The following MTR variants were observed in gnomAD, a reference collection of about 807,000 sequenced individuals.
The protein encoded by MTR is methionine synthase.
Under a neutral mutation model 154.8 loss-of-function variants are expected in MTR, and 84 were observed. The ratio of observed to expected loss-of-function variants is 0.54; its 90% CI spans 0.45 to 0.65. MTR has a LOEUF of 0.65. Ranked by LOEUF, MTR falls within the 30% of genes least tolerant of loss-of-function variation. MTR has a pLI of 0.00. For missense variants in MTR, 1,275 were observed against 1,570.2 expected, an observed-to-expected ratio of 0.81 and a Z score of 3.18; for synonymous variants, 554 against 553.9, an observed-to-expected ratio of 1.00 and a Z score of 0.00.
chr1:236,813,365 C>T (rs938669862), intron 6 of MTR, among the ~76,000 whole-genome samples: 1 of 152,176 alleles, frequency 6.6e-6, no homozygotes, highest in Non-Finnish European at 1.5e-5. Context: ...TACGTTTTTA[C>T]ACAGTGTATC....
intron 1 of MTR, among the ~76,000 whole-genome samples, chr1:236,796,022 C>T (rs1470340333): frequency 1.3e-5 from 2 of 152,160 alleles, no homozygotes; most frequent in African/African-American, 4.8e-5. Flanking sequence ...AGTAACTAAA[C>T]TTTCCAGTTC....
Position 236,895,359 on chromosome 1 carries a change from C to G in MTR, c.3407C>G (p.Ala1136Gly), listed in dbSNP as rs772811568. Reference protein sequence around the residue: ...VKALGDRLAEAFAEELHERVR... With the variant: ...VKALGDRLAEGFAEELHERVR... ...ATGCCTGCTGCTTTGGGTCCCAAGG[C>G]CTTTGCAGAAGAGCTCCATGAAAGA... Residue 1136 changes from alanine to glycine, a missense_variant and splice_region_variant, in exon 31 of 33, where the codon GCC becomes GGC. By Grantham distance (60) the Ala-to-Gly change is moderately conservative (BLOSUM62 0). Coordinates refer to ENST00000366577, the MANE Select transcript of MTR (RefSeq NM_000254.3). The G allele has an allele frequency of 1.3e-6, 2 of 1,593,984 alleles. No homozygotes were observed. The highest frequency in any genetic ancestry group is 1.3e-5 in the African/African-American group (1 of 74,820).
chr1:236,852,418 TTTTTG>T, intron 16 of MTR, 98 bp from the exon 17 acceptor site: 1 of 863,624 alleles, frequency 1.2e-6, no homozygotes, highest in Non-Finnish European at 1.9e-6. Context: ...CTTCGGATGC[TTTTTG>T]TTTTTTTTTC....
chr1:236,840,231 A>G (rs940665536), intron 15 of MTR, among the ~76,000 whole-genome samples: 2 of 152,244 alleles, frequency 1.3e-5, no homozygotes, highest in East Asian at 1.9e-4. Context: ...TCATTAACAT[A>G]TATTGAACCT....
chr1:236,806,870 TTAATG>T (rs1330633132), intron 3 of MTR, among the ~76,000 whole-genome samples: 4 of 152,364 alleles, frequency 2.6e-5, no homozygotes, highest in African/African-American at 9.6e-5. Context: ...TTTGTTTCAC[TTAATG>T]TAATGTCCTC....
chr1:236,825,447 G>T (rs779609617), intron 10 of MTR, 48 bp downstream of exon 10: 1 of 1,495,866 alleles, frequency 6.7e-7, no homozygotes, highest in South Asian at 1.1e-5. Flanking sequence ...CAGAAAGATT[G>T]AATTTTAGAT....
At chr1:236,881,208 A>T (rs567897357) in intron 25 of MTR, among the ~76,000 whole-genome samples, 6 of 152,304 alleles carry the variant, frequency 3.9e-5, no homozygotes, top group Non-Finnish European at 5.9e-5. Context: ...TAGAAAAACA[A>T]ACTCAAAAGT....
intron 25 of MTR, 56 bp downstream of exon 25, chr1:236,880,892 G>A (rs1665696153): frequency 6.7e-7 from 1 of 1,483,960 alleles, no homozygotes; most frequent in Non-Finnish European, 9.4e-7. Context: ...TGCATTACAA[G>A]TAAGGGTTTA....
At chr1:236,850,696 T>C (rs1177159879) in intron 16 of MTR, among the ~76,000 whole-genome samples, 173 bp downstream of exon 16, 1 of 152,172 alleles carries the variant, frequency 6.6e-6, no homozygotes, top group Non-Finnish European at 1.5e-5. Context: ...AGTAGAGTTT[T>C]AACTTGTGTA....
At chr1:236,806,095 C>A in intron 2 of MTR, 49 bp from the exon 3 acceptor site, 2 of 1,481,662 alleles carry the variant, frequency 1.3e-6, no homozygotes, top group East Asian at 2.3e-5. Context: ...ATTCTGGGGG[C>A]ACAAGAAACT....
rs985029642 is a variant in MTR at position 236,901,773 on chromosome 1, G to A, written c.*4129G>A. On this transcript the variant is annotated 3_prime_UTR_variant, in exon 33 of 33. Coordinates refer to ENST00000366577, the MANE Select transcript of MTR (RefSeq NM_000254.3). ...AAAAGGCACTAATCCCATTCATGAG[G>A]GCTCCACCTTCATGACCTAATTACC... The A allele has an allele frequency of 4.1e-4, 63 of 152,108 alleles. No individual in the cohort carries two copies. The highest frequency in any genetic ancestry group is 1.5e-3 in the African/African-American group (61 of 41,398). The allele number at this position is 152,108 out of a possible 1,614,324, so 9.4% of individuals were successfully genotyped here. A position where few individuals can be genotyped will look rare whatever the true frequency, so the allele number is the denominator to read the frequency against.
At chr1:236,833,788 T>G (rs1282115836) in intron 13 of MTR, among the ~76,000 whole-genome samples, 1 of 152,242 alleles carries the variant, frequency 6.6e-6, no homozygotes, top group Non-Finnish European at 1.5e-5. Context: ...GGTTAGACTT[T>G]GAAGCTGTTA....
At chr1:236,802,001 A>G (rs376485445) in intron 1 of MTR, among the ~76,000 whole-genome samples, 5 of 152,326 alleles carry the variant, frequency 3.3e-5, no homozygotes, top group African/African-American at 1.2e-4. Context: ...GATGCAAACT[A>G]GAGCTCAGAG....
chr1:236,803,120 CAA>C (rs1337001303), intron 1 of MTR, among the ~76,000 whole-genome samples: 2 of 152,114 alleles, frequency 1.3e-5, no homozygotes, highest in Non-Finnish European at 2.9e-5. Context: ...GGAAAGAGAG[CAA>C]AGTCTTGTAT....
chr1:236,880,793 C>T lies in MTR; in HGVS notation c.2633C>T (p.Ala878Val). ...GTTAAAATAGCTCCGAGATACAGTG[C>T]ACCTGTAATCCATGTCCTGGACGCG... ...TAVKIAPRYS[A>V]PVIHVLDASK... The change falls in exon 25 of 33, where the codon GCA (alanine) becomes GTA (valine). Residue 878 changes from alanine to valine, a missense_variant. Ala to Val is a moderately conservative substitution (Grantham distance 64). Coordinates refer to ENST00000366577, the MANE Select transcript of MTR (RefSeq NM_000254.3). The T allele has an allele frequency of 6.2e-7, 1 of 1,614,156 alleles. No homozygotes were observed. Among genetic ancestry groups the T allele is most frequent in the Non-Finnish European group, 8.5e-7 (1 of 1,180,014 alleles).
chr1:236,866,392 T>G (rs1423987409), intron 22 of MTR, among the ~76,000 whole-genome samples: 1 of 152,194 alleles, frequency 6.6e-6, no homozygotes, highest in African/African-American at 2.4e-5. Flanking sequence ...AATATATATA[T>G]TTTGACTGTT....
chr1:236,818,984 A>G (rs553323279), intron 8 of MTR, among the ~76,000 whole-genome samples: 1 of 152,352 alleles, frequency 6.6e-6, no homozygotes, highest in Non-Finnish European at 1.5e-5. Context: ...CATTTGAGCT[A>G]GGTTTTGAAA....
At position 236,891,421 on chromosome 1, in the gene MTR, C is replaced by A. The variant is rs1666313755; in HGVS notation, c.3204+92C>A. On this transcript the variant is annotated intron_variant, in intron 29 of 32. Coordinates refer to ENST00000366577, the MANE Select transcript of MTR (RefSeq NM_000254.3). ...GCTTTGCATAAATGAGGGTCTGCTT[C>A]ACCTCCTCCCAAATGACCAATCACA... The A allele has an allele frequency of 2.4e-6, 3 of 1,261,510 alleles. No individual in the cohort carries two copies. In the Admixed American group the frequency reaches 5.5e-5, roughly 23 times the overall value. 78.1% of individuals were successfully genotyped at this position (1,261,510 alleles called of 1,614,324 possible). A position where few individuals can be genotyped will look rare whatever the true frequency, so the allele number is the denominator to read the frequency against.
chr1:236,856,796 C>CAAACA (rs1172732860), intron 18 of MTR, among the ~76,000 whole-genome samples: 5 of 152,120 alleles, frequency 3.3e-5, no homozygotes, highest in Non-Finnish European at 7.4e-5. Context: ...GTTTTCTGTT[C>CAAACA]CTGTGTTAGT....
Sources: gnomAD v4.1 joint callset for allele counts (sites outside exome capture counted in the v4.1 genomes callset) on GRCh38, gnomAD v4.1.1 for gene constraint, MANE v1.5 for transcripts, NCBI Gene and HGNC (gene_info 2026-07-23, HGNC 2026-07-21) for gene names.